The following ASZ1 variants were observed in gnomAD, a reference collection of about 807,000 sequenced individuals.
ASZ1 encodes the protein ankyrin repeat, SAM and basic leucine zipper domain containing 1, also known as ankyrin repeat, SAM and basic leucine zipper domain-containing protein 1.
ASZ1 carries 67 observed loss-of-function variants against 61.8 expected under a neutral mutation model. That is an observed-to-expected ratio of 1.08 (90% CI 0.89 to 1.33). The LOEUF (loss-of-function observed/expected upper bound fraction) is 1.33, where lower values mean the gene tolerates loss of function less well. Among genes scored for constraint, ASZ1 ranks in the 40% most tolerant of loss-of-function variants. The pLI is 0.00. For synonymous variants in ASZ1, 193 were observed against 192.7 expected (o/e 1.00, Z -0.01); for missense variants, 577 against 554.5 (o/e 1.04, Z -0.41).
At chr7:117,402,828 T>C (rs1796705679) in intron 4 of ASZ1, among the ~76,000 whole-genome samples, 1 of 152,150 alleles carries the variant, frequency 6.6e-6, no homozygotes, top group South Asian at 2.1e-4. Flanking sequence ...TGACACCGAA[T>C]ATTTAATAAA....
intron 10 of ASZ1, among the ~76,000 whole-genome samples, chr7:117,371,996 T>C (rs188305916): frequency 6.6e-6 from 1 of 152,294 alleles, no homozygotes; most frequent in East Asian, 1.9e-4. Context: ...TTGTGACATA[T>C]AATTTTCAGA....
intron 3 of ASZ1, among the ~76,000 whole-genome samples, chr7:117,421,664 T>C (rs986723167): frequency 1.1e-4 from 17 of 152,158 alleles, no homozygotes; most frequent in Non-Finnish European, 1.5e-5. Context: ...TAAAAATCAA[T>C]TCTAAAATGA....
At chr7:117,410,208 C>A (rs2116517219) in intron 4 of ASZ1, among the ~76,000 whole-genome samples, 1 of 151,724 alleles carries the variant, frequency 6.6e-6, no homozygotes, top group East Asian at 1.9e-4. Flanking sequence ...TTTTACAAAA[C>A]AATTTTACAT....
intron 10 of ASZ1, among the ~76,000 whole-genome samples, chr7:117,373,574 C>T (rs913882302): frequency 3.9e-5 from 6 of 152,112 alleles, no homozygotes; most frequent in Non-Finnish European, 8.8e-5. Flanking sequence ...TGTTAGTTTT[C>T]TTATGACTTA....
At chr7:117,417,513 A>T (rs983969839) in intron 4 of ASZ1, among the ~76,000 whole-genome samples, 1 of 152,220 alleles carries the variant, frequency 6.6e-6, no homozygotes, top group African/African-American at 2.4e-5. Context: ...GTCACTGCTA[A>T]TGAGTTAGCT....
chr7:117,405,664 C>T (rs1796769006), intron 4 of ASZ1, among the ~76,000 whole-genome samples: 1 of 152,186 alleles, frequency 6.6e-6, no homozygotes, highest in African/African-American at 2.4e-5. Flanking sequence ...TTGGTGCTCA[C>T]AGGATTCTTT....
At chr7:117,380,261 C>A (rs1325065480) in intron 9 of ASZ1, among the ~76,000 whole-genome samples, 3 of 151,582 alleles carry the variant, frequency 2.0e-5, no homozygotes. Context: ...TAACTATAGT[C>A]AATTTTTTTG....
At chr7:117,404,524 C>G (rs1796745878) in intron 4 of ASZ1, among the ~76,000 whole-genome samples, 1 of 151,690 alleles carries the variant, frequency 6.6e-6, no homozygotes, top group Non-Finnish European at 1.5e-5. Flanking sequence ...GCCCAGGATA[C>G]TGGCTTCCAT....
At chr7:117,378,019 A>G (rs572259576) in intron 10 of ASZ1, among the ~76,000 whole-genome samples, 12 of 152,152 alleles carry the variant, frequency 7.9e-5, no homozygotes, top group Non-Finnish European at 1.3e-4. Context: ...CCTAAACCTC[A>G]TAACTTTACA....
chr7:117,398,247 C>A (rs149417850), intron 4 of ASZ1, among the ~76,000 whole-genome samples: 1 of 152,152 alleles, frequency 6.6e-6, no homozygotes, highest in African/African-American at 2.4e-5. Context: ...CTGTTCAACA[C>A]GCCAAGAACC....
At position 117,427,476 on chromosome 7, in the gene ASZ1, T is replaced by C. The variant is rs746229695; in HGVS notation, c.-16A>G. ...TCGCCGCCATGCCAGCCAAGGAAGC[T>C]CCCTGTCGGCACCGCGCGCCCTTCA... On this transcript the variant is annotated 5_prime_UTR_variant, in exon 1 of 13. Coordinates refer to ENST00000284629, the MANE Select transcript of ASZ1 (RefSeq NM_130768.3). 3.1e-6 allele frequency: 5 copies of C among 1,613,060 alleles called. No homozygotes were observed. Among genetic ancestry groups the C allele is most frequent in the Non-Finnish European group, 3.4e-6 (4 of 1,179,496 alleles).
chr7:117,401,647 G>A (rs1796683711), intron 4 of ASZ1, among the ~76,000 whole-genome samples: 1 of 152,224 alleles, frequency 6.6e-6, no homozygotes, highest in East Asian at 1.9e-4. Flanking sequence ...TTTGTAAAAA[G>A]CATTTATGTT....
In ASZ1 at chr7:117,368,632, A is replaced by G; in HGVS notation, c.1141T>C (p.Leu381=). 3 of 1,611,308 alleles carry G rather than the reference A, an allele frequency of 1.9e-6. No homozygotes were observed. The highest frequency in any genetic ancestry group is 2.2e-5 in the East Asian group (1 of 44,664). The change falls in exon 11 of 13, where the codon TTA becomes CTA. Residue 381 remains leucine, a synonymous_variant. Transcript: ENST00000284629. ...ITAVQNVITE[L]PVNSQKITLE... ...AATACCTTTTGAGAATTTACAGGTA[A>G]CTCAGTAATAACATTCTGTACAGCT...
At position 117,384,757 on chromosome 7, in the gene ASZ1, C is replaced by T; in HGVS notation, c.656G>A (p.Ser219Asn). The stretch of plus-strand genomic sequence containing the variant: ...ATGTTTGTTTCTTTTTGCAATCTCA[C>T]TTGGCATCTTTCCATCTTTGGTTTG... ...MLQTKDGKMP[S>N]EIAKRNKHHE... Residue 219 changes from serine to asparagine, a missense_variant, in exon 6 of 13, where the codon AGT (serine) becomes AAT (asparagine). Physicochemically the swap from Ser to Asn is conservative, Grantham distance 46. Coordinates refer to ENST00000284629, the MANE Select transcript of ASZ1 (RefSeq NM_130768.3). 1 of 1,612,170 alleles carries T rather than the reference C, an allele frequency of 6.2e-7. No individual in the cohort carries two copies.
At chr7:117,399,610 A>C (rs1038375022) in intron 4 of ASZ1, among the ~76,000 whole-genome samples, 2 of 151,562 alleles carry the variant, frequency 1.3e-5, no homozygotes, top group Admixed American at 1.3e-4. Flanking sequence ...AATTTTTTAC[A>C]TTCAAGAGTT....
At chr7:117,365,525 GA>G in intron 12 of ASZ1, among the ~76,000 whole-genome samples, 1 of 152,214 alleles carries the variant, frequency 6.6e-6, no homozygotes, top group South Asian at 2.1e-4. Flanking sequence ...TCATCTTGGA[GA>G]AACCAAATTA....
intron 10 of ASZ1, among the ~76,000 whole-genome samples, chr7:117,376,417 A>G (rs1777888843): frequency 6.6e-6 from 1 of 152,168 alleles, no homozygotes; most frequent in African/African-American, 2.4e-5. Context: ...ACAGAAAATA[A>G]AAGGAGGGGG....
intron 4 of ASZ1, among the ~76,000 whole-genome samples, chr7:117,414,842 A>G (rs1584741258): frequency 6.6e-6 from 1 of 152,056 alleles, no homozygotes; most frequent in Non-Finnish European, 1.5e-5. Flanking sequence ...ATAGTATTCC[A>G]TGGTGTATAT....
intron 12 of ASZ1, among the ~76,000 whole-genome samples, chr7:117,366,610 T>A (rs1795944430): frequency 6.6e-6 from 1 of 151,812 alleles, no homozygotes; most frequent in Non-Finnish European, 1.5e-5. Flanking sequence ...TAGCCAATTT[T>A]TTTTAAAGTG....
Sources: gnomAD v4.1 joint callset for allele counts (sites outside exome capture counted in the v4.1 genomes callset) on GRCh38, gnomAD v4.1.1 for gene constraint, MANE v1.5 for transcripts, NCBI Gene and HGNC (gene_info 2026-07-23, HGNC 2026-07-21) for gene names.